The following TRIT1 variants were observed in gnomAD, a reference collection of about 807,000 sequenced individuals.
The protein encoded by TRIT1 is tRNA isopentenyltransferase 1, also known as tRNA dimethylallyltransferase.
A neutral mutation model predicts 51.2 loss-of-function variants in TRIT1; 43 were observed. The ratio of observed to expected loss-of-function variants is 0.84; its 90% CI spans 0.66 to 1.08. The LOEUF is 1.08. TRIT1 is among the 50% of genes least tolerant of loss of function. The pLI is 0.00. For synonymous variants in TRIT1, 184 were observed against 203.9 expected (o/e 0.90, Z 0.83); for missense variants, 528 against 578.4 (o/e 0.91, Z 0.89).
Position 39,841,825 on chromosome 1 carries a change from ACT to A in TRIT1, c.1321_1322del (p.Ser441CysfsTer6), listed in dbSNP as rs1188613622. 4 of 1,613,686 alleles carry A rather than the reference ACT, an allele frequency of 2.5e-6. No homozygotes were observed. In the African/African-American group the frequency reaches 5.3e-5, roughly 22 times the overall value. On this transcript the variant is annotated frameshift_variant, in exon 11 of 11. Transcript: ENST00000316891. LOFTEE classifies it low-confidence loss of function (END_TRUNC). The stretch of plus-strand genomic sequence containing the variant: ...GTTCTTTGTTATGGTCTGGGGAAAC[ACT>A]CTGACTTTCTATGGTGTTGACAGCA... ...SDAVNTIESQ[S>X]VSPDHNKEPK...
intron 2 of TRIT1, 150 bp downstream of exon 2, chr1:39,857,127 T>C (rs751694691): frequency 1.0e-4 from 87 of 833,946 alleles, no homozygotes; most frequent in Non-Finnish European, 1.4e-4. Context: ...ACTGTATCTT[T>C]CAGTCCATAG....
chr1:39,847,159 T>C lies in TRIT1; in HGVS notation c.1006+61A>G, dbSNP rs1019444311. 6 of 1,380,182 alleles carry C rather than the reference T, an allele frequency of 4.3e-6. No homozygotes were observed. The African/African-American group carries it at 7.2e-5, about 17-fold the overall frequency. The allele number at this position is 1,380,182 out of a possible 1,614,324, so 85.5% of individuals were successfully genotyped here. Reference sequence around the variant, plus strand: ...TCTAAAATTCATTTTCTGGGTGAGCTGAGGACATCTATATTCTATTGAAAA... The same window carrying C: ...TCTAAAATTCATTTTCTGGGTGAGCCGAGGACATCTATATTCTATTGAAAA... On this transcript the variant is annotated intron_variant, in intron 8 of 10. Transcript: ENST00000316891.
chr1:39,851,181 T>C (rs181459521), intron 4 of TRIT1, among the ~76,000 whole-genome samples: 1 of 152,160 alleles, frequency 6.6e-6, no homozygotes, highest in East Asian at 1.9e-4. Context: ...AATGTAGTAA[T>C]AGATATCTCA....
chr1:39,841,059 ATT>A lies in TRIT1; in HGVS notation c.*683_*684del, dbSNP rs1312540448. The A allele has an allele frequency of 6.6e-6, 1 of 152,224 alleles. No individual in the cohort carries two copies. Among genetic ancestry groups the A allele is most frequent in the Non-Finnish European group, 1.5e-5 (1 of 68,044 alleles). The allele number at this position is 152,224 out of a possible 1,614,324, so 9.4% of individuals were successfully genotyped here. ...TTAAGGATCAAAGAGGCTCTTGTAA[ATT>A]TTTTCTTTATTTAAACTTCAATAAA... On this transcript the variant is annotated 3_prime_UTR_variant, in exon 11 of 11. Transcript: ENST00000316891.
intron 1 of TRIT1, among the ~76,000 whole-genome samples, chr1:39,860,184 T>C (rs1643154254): frequency 1.3e-5 from 2 of 152,236 alleles, no homozygotes; most frequent in Admixed American, 1.3e-4. Flanking sequence ...CTCTTACTCA[T>C]AGTTAACAAA....
intron 1 of TRIT1, among the ~76,000 whole-genome samples, chr1:39,875,247 T>C (rs1398280512): frequency 6.6e-6 from 1 of 151,932 alleles, no homozygotes; most frequent in Non-Finnish European, 1.5e-5. Flanking sequence ...TCCAACCCTT[T>C]GGGAGCCCGA....
At chr1:39,874,240 G>C (rs1643972725) in intron 1 of TRIT1, among the ~76,000 whole-genome samples, 1 of 151,912 alleles carries the variant, frequency 6.6e-6, no homozygotes, top group Admixed American at 6.6e-5. Context: ...TAATATTTGG[G>C]GCCAAATAAT....
chr1:39,865,836 G>A (rs904104738), intron 1 of TRIT1, among the ~76,000 whole-genome samples: 7 of 150,068 alleles, frequency 4.7e-5, no homozygotes, highest in Non-Finnish European at 4.4e-5. Context: ...GCAGCACAAC[G>A]AGACAAGAAA....
At chr1:39,879,145 T>TA (rs2124689647) in intron 1 of TRIT1, among the ~76,000 whole-genome samples, 1 of 152,132 alleles carries the variant, frequency 6.6e-6, no homozygotes, top group Non-Finnish European at 1.5e-5. Flanking sequence ...GGCACACGCT[T>TA]ATAGTCCCAG....
intron 4 of TRIT1, among the ~76,000 whole-genome samples, chr1:39,852,231 T>A (rs979958344): frequency 6.6e-6 from 1 of 152,010 alleles, no homozygotes; most frequent in Non-Finnish European, 1.5e-5. Flanking sequence ...CAAAACAACC[T>A]AAAAAAACAT....
intron 1 of TRIT1, among the ~76,000 whole-genome samples, chr1:39,863,825 CAAAA>C (rs777535353): frequency 3.3e-5 from 5 of 149,586 alleles, no homozygotes; most frequent in Non-Finnish European, 7.4e-5. Context: ...AAACAAAAAA[CAAAA>C]AAAGAAATCC....
At chr1:39,843,500 C>T (rs1642040892) in intron 10 of TRIT1, among the ~76,000 whole-genome samples, 1 of 152,108 alleles carries the variant, frequency 6.6e-6, no homozygotes, top group African/African-American at 2.4e-5. Context: ...GTGGGGCTGG[C>T]CCTGAGGTGG....
chr1:39,849,817 C>G (rs980514296), intron 5 of TRIT1, among the ~76,000 whole-genome samples: 3 of 152,196 alleles, frequency 2.0e-5, no homozygotes, highest in Admixed American at 6.5e-5. Flanking sequence ...AGACTGCCTT[C>G]TTTTTCTCCT....
At chr1:39,847,371 C>G in intron 7 of TRIT1, 74 bp from the exon 8 acceptor site, 1 of 1,528,266 alleles carries the variant, frequency 6.5e-7, no homozygotes, top group Non-Finnish European at 9.0e-7. Flanking sequence ...CCCTCCCAGC[C>G]CAGCAGGAAA....
intron 1 of TRIT1, among the ~76,000 whole-genome samples, chr1:39,881,259 A>T (rs1490547007): frequency 6.6e-6 from 1 of 151,240 alleles, no homozygotes; most frequent in Non-Finnish European, 1.5e-5. Context: ...GAAAGAAATG[A>T]TAGAACATAA....
In TRIT1 at chr1:39,840,920, C is replaced by T. The variant is rs759367393; in HGVS notation, c.*824G>A. On this transcript the variant is annotated 3_prime_UTR_variant, in exon 11 of 11. Coordinates refer to ENST00000316891, the MANE Select transcript of TRIT1 (RefSeq NM_017646.6). ...CTATAACGTGTTAAATAAACACCCG[C>T]TACATAAATGAACAGACAGCATGAT... is the stretch of plus-strand genomic sequence containing the variant. 25 of 152,060 alleles carry T rather than the reference C, an allele frequency of 1.6e-4. No homozygotes were observed. Among genetic ancestry groups the T allele is most frequent in the Admixed American group, 5.9e-4 (9 of 15,260 alleles). 9.4% of individuals were successfully genotyped at this position (152,060 alleles called of 1,614,324 possible). A position where few individuals can be genotyped will look rare whatever the true frequency, so the allele number is the denominator to read the frequency against.
In TRIT1 at chr1:39,838,770, G is replaced by A. The variant is rs568874455; in HGVS notation, c.*2974C>T. On this transcript the variant is annotated 3_prime_UTR_variant, in exon 11 of 11. Coordinates refer to ENST00000316891, the MANE Select transcript of TRIT1 (RefSeq NM_017646.6). ...TCTGCCTCAGTTACCCAAAGCGTTG[G>A]GATTACAGGCGTGAGCCACCACTCC... Among the ~76,000 whole-genome samples the A allele has an allele frequency of 6.6e-6, 1 of 152,190 alleles. No individual in the cohort carries two copies. Among genetic ancestry groups the A allele is most frequent in the East Asian group, 1.9e-4 (1 of 5,180 alleles).
chr1:39,844,795 A>G (rs1183007225), intron 8 of TRIT1, among the ~76,000 whole-genome samples, 155 bp from the exon 9 acceptor site: 1 of 152,246 alleles, frequency 6.6e-6, no homozygotes, highest in Non-Finnish European at 1.5e-5. Flanking sequence ...CCACAATCCA[A>G]GAAAGACCTA....
At chr1:39,862,867 C>T (rs7533318) in intron 1 of TRIT1, 1 of 985,296 alleles carries the variant, frequency 1.0e-6, no homozygotes, top group Non-Finnish European at 1.2e-6. Flanking sequence ...CCAAAAGGAT[C>T]TGTGTTATCT....
Sources: gnomAD v4.1 joint callset for allele counts (sites outside exome capture counted in the v4.1 genomes callset) on GRCh38, gnomAD v4.1.1 for gene constraint, MANE v1.5 for transcripts, NCBI Gene and HGNC (gene_info 2026-07-23, HGNC 2026-07-21) for gene names.